PPP3R1: variants seen among roughly 807,000 people sequenced by gnomAD.
The protein encoded by PPP3R1 is protein phosphatase 3 regulatory subunit B, alpha.
In PPP3R1, 5 loss-of-function variants were observed where a neutral mutation model predicts 22.6. The observed-to-expected ratio is 0.22, with a 90% confidence interval of 0.12 to 0.46. PPP3R1 has a LOEUF of 0.46. Ranked by LOEUF, PPP3R1 falls within the 20% of genes least tolerant of loss-of-function variation. PPP3R1 has a pLI of 0.99. For missense variants in PPP3R1, 61 were observed against 203.2 expected (o/e 0.30, Z 4.25); for synonymous variants, 56 against 65.2 (o/e 0.86, Z 0.68).
chr2:68,195,885 AC>A (rs974517770), intron 2 of PPP3R1, among the ~76,000 whole-genome samples: 6 of 147,798 alleles, frequency 4.1e-5, no homozygotes, highest in East Asian at 2.0e-4. Context: ...CTTTCCAACA[AC>A]CTTTTTTTTT....
intron 5 of PPP3R1, among the ~76,000 whole-genome samples, chr2:68,185,709 G>A (rs1674531877): frequency 6.6e-6 from 1 of 152,038 alleles, no homozygotes; most frequent in South Asian, 2.1e-4. Flanking sequence ...TGGTGAAGGA[G>A]GTAAAACGGA....
chr2:68,220,160 C>T (rs1669660169), intron 1 of PPP3R1, among the ~76,000 whole-genome samples: 1 of 152,110 alleles, frequency 6.6e-6, no homozygotes, highest in South Asian at 2.1e-4. Context: ...AGAAAGTTTC[C>T]AGGTTGCAGC....
At chr2:68,206,664 A>AT (rs896227458) in intron 2 of PPP3R1, among the ~76,000 whole-genome samples, 3 of 152,098 alleles carry the variant, frequency 2.0e-5, no homozygotes, top group African/African-American at 7.2e-5. Flanking sequence ...ACCAAAGGTC[A>AT]TTTTTCCTCC....
chr2:68,203,826 A>G (rs1675038171), intron 2 of PPP3R1, among the ~76,000 whole-genome samples: 1 of 152,228 alleles, frequency 6.6e-6, no homozygotes, highest in Admixed American at 6.5e-5. Context: ...AAACAGAAAC[A>G]GCGTTCTAAC....
At chr2:68,216,571 C>G (rs1055773733) in intron 2 of PPP3R1, among the ~76,000 whole-genome samples, 1 of 152,154 alleles carries the variant, frequency 6.6e-6, no homozygotes, top group African/African-American at 2.4e-5. Flanking sequence ...CCAACAGTGG[C>G]TGCATAACTA....
At position 68,212,066 on chromosome 2, in the gene PPP3R1, T is replaced by A. The variant is rs1669498286; in HGVS notation, c.43+5026A>T. ...GTAATTAATGGCAAATCTATAATAGTGAATCCTTTCCCGGTTTGTTTGTTT... is the reference window on the plus strand; with the variant it reads ...GTAATTAATGGCAAATCTATAATAGAGAATCCTTTCCCGGTTTGTTTGTTT... On this transcript the variant is annotated intron_variant, in intron 2 of 5. Coordinates refer to ENST00000234310, the MANE Select transcript of PPP3R1 (RefSeq NM_000945.4). 2.0e-5 allele frequency among the ~76,000 whole-genome samples: 3 copies of A among 152,290 alleles called. No homozygotes were observed. In the South Asian group the frequency reaches 6.2e-4, roughly 32 times the overall value.
At chr2:68,183,600 A>T (rs1674467610) in intron 5 of PPP3R1, among the ~76,000 whole-genome samples, 1 of 152,214 alleles carries the variant, frequency 6.6e-6, no homozygotes. Flanking sequence ...AGGTATGTAA[A>T]ATTACATTCC....
chr2:68,234,985 C>T (rs531932132), intron 1 of PPP3R1, among the ~76,000 whole-genome samples: 5 of 152,126 alleles, frequency 3.3e-5, no homozygotes, highest in South Asian at 2.1e-4. Context: ...AACACTAAGG[C>T]TAGAATGTCC....
rs374750641 is a variant in PPP3R1, at chr2:68,239,614, G to A, written c.3+12511C>T. Reference sequence around the variant, plus strand: ...ACTATGGACTGGAGAAGAGAACGATGTGGCCTGAAAAATACGAATGAATCA... The same window carrying A: ...ACTATGGACTGGAGAAGAGAACGATATGGCCTGAAAAATACGAATGAATCA... On this transcript the variant is annotated intron_variant, in intron 1 of 5. Coordinates refer to ENST00000234310, the MANE Select transcript of PPP3R1 (RefSeq NM_000945.4). Among the ~76,000 whole-genome samples, 45 of 152,244 alleles carry A rather than the reference G, an allele frequency of 3.0e-4. No individual in the cohort carries two copies. The Middle Eastern group carries it at 0.01, about 35-fold the overall frequency.
At chr2:68,184,410 T>G (rs1410994355) in intron 5 of PPP3R1, among the ~76,000 whole-genome samples, 2 of 152,226 alleles carry the variant, frequency 1.3e-5, no homozygotes, top group Non-Finnish European at 1.5e-5. Flanking sequence ...ATGCTGTCTC[T>G]TCTCTGCTCT....
intron 1 of PPP3R1, among the ~76,000 whole-genome samples, chr2:68,232,164 TATAA>T (rs1302892825): frequency 1.3e-4 from 15 of 113,770 alleles, no homozygotes; most frequent in Admixed American, 2.0e-4. Context: ...TATATACATA[TATAA>T]ATACATATAT....
rs552298923 is a variant in PPP3R1 at position 68,210,377 on chromosome 2, CCTT to C, written c.43+6712_43+6714del. 9.9e-4 allele frequency among the ~76,000 whole-genome samples: 151 copies of C among 152,316 alleles called. 1 individual carries two copies. Among genetic ancestry groups the C allele is most frequent in the African/African-American group, 3.4e-3 (143 of 41,570 alleles). On this transcript the variant is annotated intron_variant, in intron 2 of 5. Transcript: ENST00000234310. ...CAAAAGTAACCAGCCCATCCACACT[CCTT>C]ATACTCCTCATTCTCCTCAGCAAAT...
At chr2:68,211,406 C>CAAAAAAA (rs3979551) in intron 2 of PPP3R1, among the ~76,000 whole-genome samples, 18,859 of 76,382 alleles carry the variant, frequency 0.25, 3,019 homozygotes, top group South Asian at 0.37. Context: ...GACTCTGTCT[C>CAAAAAAA]AAAAAAAAAA....
intron 5 of PPP3R1, among the ~76,000 whole-genome samples, chr2:68,185,123 G>A (rs1674507315): frequency 6.6e-6 from 1 of 151,570 alleles, no homozygotes; most frequent in Non-Finnish European, 1.5e-5. Flanking sequence ...AGAGGCTGAG[G>A]CAGGAAAATC....
At chr2:68,183,610 C>T (rs141292020) in intron 5 of PPP3R1, among the ~76,000 whole-genome samples, 2 of 152,232 alleles carry the variant, frequency 1.3e-5, no homozygotes, top group African/African-American at 4.8e-5. Flanking sequence ...AATTACATTC[C>T]CAAGAGCTTT....
At chr2:68,232,238 T>G (rs1162203427) in intron 1 of PPP3R1, among the ~76,000 whole-genome samples, 1 of 64,290 alleles carries the variant, frequency 1.6e-5, no homozygotes, top group Non-Finnish European at 2.5e-5. Context: ...TGTGTGTGTG[T>G]GTGTGTGTGT....
At chr2:68,239,558 A>C (rs1572977181) in intron 1 of PPP3R1, among the ~76,000 whole-genome samples, 1 of 152,332 alleles carries the variant, frequency 6.6e-6, no homozygotes, top group Non-Finnish European at 1.5e-5. Context: ...TCTTAGAAAC[A>C]ACCTTATTTA....
intron 2 of PPP3R1, among the ~76,000 whole-genome samples, chr2:68,200,038 A>G (rs965918755): frequency 2.0e-5 from 3 of 152,184 alleles, no homozygotes; most frequent in African/African-American, 4.8e-5. Context: ...TGACCTTACT[A>G]TTTTCTTTGT....
chr2:68,214,009 C>T (rs1669531418), intron 2 of PPP3R1, among the ~76,000 whole-genome samples: 1 of 151,884 alleles, frequency 6.6e-6, no homozygotes, highest in Admixed American at 6.6e-5. Context: ...ATGTTGCACA[C>T]CTACAACAAA....
Sources: allele counts gnomAD v4.1 joint callset (sites outside exome capture counted in the v4.1 genomes callset), GRCh38; gene constraint gnomAD v4.1.1; transcripts MANE v1.5; gene names NCBI Gene and HGNC (gene_info 2026-07-23, HGNC 2026-07-21).